The following KICS2 variants were observed in gnomAD, a reference collection of about 807,000 sequenced individuals.
The protein encoded by KICS2 is KICSTOR complex protein C12orf66.
In KICS2, 13 loss-of-function variants were observed where a neutral mutation model predicts 31.4. That is an observed-to-expected ratio of 0.41 (90% CI 0.27 to 0.66). The LOEUF is 0.66. Among genes scored for constraint, KICS2 ranks in the 30% least tolerant of loss-of-function variants. The pLI, the probability that KICS2 is intolerant of heterozygous loss-of-function variation, is 0.28. For missense variants in KICS2, 455 were observed against 545.4 expected, an observed-to-expected ratio of 0.83 and a Z score of 1.65; for synonymous variants, 209 against 214.8, an observed-to-expected ratio of 0.97 and a Z score of 0.24.
At chr12:64,197,483 C>A (rs1212243572) in intron 2 of KICS2, among the ~76,000 whole-genome samples, 1 of 151,226 alleles carries the variant, frequency 6.6e-6, no homozygotes, top group Non-Finnish European at 1.5e-5. Flanking sequence ...CCAGTACCAG[C>A]CGCTGCAAAA....
At chr12:64,216,099 A>T in intron 1 of KICS2, 136 bp from the exon 2 acceptor site, 1 of 502,184 alleles carries the variant, frequency 2.0e-6, no homozygotes, top group South Asian at 2.8e-5. Context: ...TTCTCTGTCT[A>T]TGATTGAGAT....
chr12:64,194,819 C>G (rs531382321), intron 2 of KICS2, 161 bp from the exon 3 acceptor site: 2 of 666,668 alleles, frequency 3.0e-6, no homozygotes, highest in East Asian at 2.7e-4. Flanking sequence ...TTTTAAAATT[C>G]TGATATAATT....
intron 2 of KICS2, among the ~76,000 whole-genome samples, chr12:64,214,850 A>G (rs995207094): frequency 6.6e-6 from 1 of 152,054 alleles, no homozygotes; most frequent in African/African-American, 2.4e-5. Flanking sequence ...CACTAAGAAT[A>G]CTTAAAATGA....
At position 64,222,165 on chromosome 12, in the gene KICS2, G is replaced by A. The variant is rs982780020; in HGVS notation, c.73C>T (p.Leu25=). The change falls in exon 1 of 3, where the codon CTG becomes TTG. Residue 25 remains leucine, a synonymous_variant. Transcript: ENST00000398055. ...QAVLETFFSH[L]GIFSYDKAKD... is the part of the protein sequence containing the mutation. ...GCCTTGTCGTAAGAGAAGATACCCAGGTGAGAGAAGAACGTCTCCAGCACC... is the reference window on the plus strand; with the variant it reads ...GCCTTGTCGTAAGAGAAGATACCCAAGTGAGAGAAGAACGTCTCCAGCACC... 2.5e-6 allele frequency: 4 copies of A among 1,614,012 alleles called. No homozygotes were observed. The highest frequency in any genetic ancestry group is 2.7e-5 in the African/African-American group (2 of 74,946).
chr12:64,205,649 G>GGGAGGGAAGGAAT (rs2037530492), intron 2 of KICS2, among the ~76,000 whole-genome samples: 1 of 5,814 alleles, frequency 1.7e-4, no homozygotes, highest in African/African-American at 4.6e-4. Context: ...AAGGAATGAA[G>GGGAGGGAAGGAAT]GAAGGGAGGG....
At chr12:64,190,049 A>G (rs1182895926), downstream of KICS2, among the ~76,000 whole-genome samples, 1 of 152,230 alleles carries the variant, frequency 6.6e-6, no homozygotes, top group Non-Finnish European at 1.5e-5. Flanking sequence ...AAAAAACCAC[A>G]AAGATTCTAA....
intron 2 of KICS2, 127 bp from the exon 3 acceptor site, chr12:64,194,785 A>G (rs789721): frequency 0.5 from 627,158 of 1,245,286 alleles, 158,412 homozygotes; most frequent in Non-Finnish European, 0.52. Flanking sequence ...GGAAGAAAAG[A>G]TGGAGGAACT....
rs551606664 is a variant in KICS2 at position 64,194,132 on chromosome 12, C to T, written c.1048G>A (p.Val350Met). The change falls in exon 3 of 3, where the codon GTG becomes ATG. Residue 350 changes from valine to methionine, a missense_variant. Coordinates refer to ENST00000398055, the MANE Select transcript of KICS2 (RefSeq NM_152440.5). ...ACTGGCCTGTCGCTGGGCAGAGACA[C>T]TACAGCTGGATACTGGTCCACACCC... is the stretch of plus-strand genomic sequence containing the variant. ...PKGVDQYPAVVSLPSDRPVMH... is the reference protein window; with the variant it reads ...PKGVDQYPAVMSLPSDRPVMH... 1 of 1,614,170 alleles carries T rather than the reference C, an allele frequency of 6.2e-7. No homozygotes were observed. The highest frequency in any genetic ancestry group is 1.1e-5 in the South Asian group (1 of 91,084).
chr12:64,187,702 GC>G, downstream of KICS2: 5 of 1,447,772 alleles, frequency 3.5e-6, no homozygotes, highest in Non-Finnish European at 4.7e-6. Context: ...AACCTACAGG[GC>G]TTTTGTGGGG....
At chr12:64,215,633 T>G in intron 2 of KICS2, 45 bp downstream of exon 2, 2 of 1,532,740 alleles carry the variant, frequency 1.3e-6, no homozygotes, top group Non-Finnish European at 1.8e-6. Flanking sequence ...TGTGTGGGAT[T>G]GATAGGACAG....
At chr12:64,215,458 G>A (rs140004294) in intron 2 of KICS2, among the ~76,000 whole-genome samples, 199 of 152,016 alleles carry the variant, frequency 1.3e-3, no homozygotes, top group African/African-American at 4.3e-3. Context: ...CTTCATTCTC[G>A]GTCTTTTGCT....
intron 2 of KICS2, among the ~76,000 whole-genome samples, chr12:64,207,754 G>T (rs1413997891): frequency 6.6e-6 from 1 of 152,126 alleles, no homozygotes; most frequent in East Asian, 1.9e-4. Context: ...ACCCTGCTCA[G>T]GTCAGCCAAT....
At chr12:64,212,005 T>G (rs1216149611) in intron 2 of KICS2, among the ~76,000 whole-genome samples, 4 of 152,190 alleles carry the variant, frequency 2.6e-5, no homozygotes, top group African/African-American at 4.8e-5. Flanking sequence ...GAAAGTGTCA[T>G]GATGATTGCA....
chr12:64,204,267 T>C (rs1051230658), intron 2 of KICS2, among the ~76,000 whole-genome samples: 2 of 152,172 alleles, frequency 1.3e-5, no homozygotes, highest in East Asian at 1.9e-4. Flanking sequence ...CTGGGCTTAA[T>C]ACCTCAGTGA....
Position 64,192,881 on chromosome 12 carries a change from A to G in KICS2, c.*961T>C, listed in dbSNP as rs548302172. ...TACTCAACTATGAAGAGGTCTTTCA[A>G]GCGCACAGTTGATTTTTAGCAAGTA... On this transcript the variant is annotated 3_prime_UTR_variant, in exon 3 of 3. Transcript: ENST00000398055. 361 of 985,466 alleles carry G rather than the reference A, an allele frequency of 3.7e-4. 6 individuals carry two copies. The highest frequency in any genetic ancestry group is 1.3e-4 in the Non-Finnish European group (111 of 829,930). 61.0% of individuals were successfully genotyped at this position (985,466 alleles called of 1,614,324 possible). A position where few individuals can be genotyped will look rare whatever the true frequency, so the allele number is the denominator to read the frequency against.
intron 2 of KICS2, among the ~76,000 whole-genome samples, chr12:64,199,524 T>A (rs1439234285): frequency 7.9e-6 from 1 of 126,630 alleles, no homozygotes; most frequent in Non-Finnish European, 1.7e-5. Flanking sequence ...CTGGAAGCAT[T>A]CCCTTTGAAA....
In KICS2 at chr12:64,192,530, T is replaced by C; in HGVS notation, c.*1312A>G. On this transcript the variant is annotated 3_prime_UTR_variant, in exon 3 of 3. Transcript: ENST00000398055. Reference sequence around the variant, plus strand: ...GCTGATGTTGCTGGCATACCTGCTGTGGACACCCAGTAAAACAGTGGCTCC... The same window carrying C: ...GCTGATGTTGCTGGCATACCTGCTGCGGACACCCAGTAAAACAGTGGCTCC... The C allele has an allele frequency of 3.4e-6, 3 of 870,036 alleles. No individual in the cohort carries two copies. The highest frequency in any genetic ancestry group is 1.8e-5 in the African/African-American group (1 of 54,886). The allele number at this position is 870,036 out of a possible 1,614,324, so 53.9% of individuals were successfully genotyped here. A position where few individuals can be genotyped will look rare whatever the true frequency, so the allele number is the denominator to read the frequency against.
At chr12:64,195,933 C>T (rs1421330619) in intron 2 of KICS2, among the ~76,000 whole-genome samples, 1 of 152,188 alleles carries the variant, frequency 6.6e-6, no homozygotes, top group Non-Finnish European at 1.5e-5. Context: ...TATCCCACAC[C>T]TGGCTTGGAG....
At chr12:64,221,786 A>G in intron 1 of KICS2, 1 of 622,824 alleles carries the variant, frequency 1.6e-6, no homozygotes, top group Non-Finnish European at 2.8e-6. Context: ...TGCAAAGAGC[A>G]TCTACCCAGT....
Sources: gnomAD v4.1 joint callset for allele counts (sites outside exome capture counted in the v4.1 genomes callset) on GRCh38, gnomAD v4.1.1 for gene constraint, MANE v1.5 for transcripts, NCBI Gene and HGNC (gene_info 2026-07-23, HGNC 2026-07-21) for gene names.